The following GADL1 variants were observed in gnomAD, a reference collection of about 807,000 sequenced individuals.
GADL1 encodes the protein acidic amino acid decarboxylase GADL1.
GADL1 carries 71 observed loss-of-function variants against 69.5 expected under a neutral mutation model. The observed-to-expected ratio is 1.02, with a 90% CI of 0.84 to 1.25. GADL1 has a LOEUF of 1.25. Among genes scored for constraint, GADL1 ranks in the 50% most tolerant of loss-of-function variants. GADL1 has a pLI of 0.00. For synonymous variants in GADL1, 254 were observed against 214.4 expected (o/e 1.18, Z -1.62); for missense variants, 737 against 631.8 (o/e 1.17, Z -1.79).
At chr3:30,823,173 C>A (rs1697620693) in intron 11 of GADL1, among the ~76,000 whole-genome samples, 1 of 151,856 alleles carries the variant, frequency 6.6e-6, no homozygotes, top group Admixed American at 6.6e-5. Flanking sequence ...AAAGGGAACT[C>A]AGGGAGGTAA....
intron 8 of GADL1, among the ~76,000 whole-genome samples, chr3:30,843,334 C>A (rs1053222951): frequency 6.7e-6 from 1 of 149,860 alleles, no homozygotes; most frequent in African/African-American, 2.5e-5. Flanking sequence ...CAGCTCACTG[C>A]AACTTCTGCC....
In GADL1 at chr3:30,801,105, A is replaced by AT. The variant is rs59931065; in HGVS notation, c.1051-18dup. 0.49 allele frequency: 781,255 copies of AT among 1,586,984 alleles called. 202,620 individuals carry two copies. The highest frequency in any genetic ancestry group is 0.54 in the Middle Eastern group (3,121 of 5,730). On this transcript the variant is annotated splice_polypyrimidine_tract_variant and intron_variant, in intron 11 of 14. Transcript: ENST00000282538. Reference sequence around the variant, plus strand: ...AAGAAGATCCTTCGAAAAAGAAAAGATTACAAGACTGTTAAACTTTAGAAT... The same window carrying AT: ...AAGAAGATCCTTCGAAAAAGAAAAGATTTACAAGACTGTTAAACTTTAGAAT...
In GADL1 at chr3:30,861,768, G is replaced by A; in HGVS notation, c.38-3C>T. 1 of 1,536,692 alleles carries A rather than the reference G, an allele frequency of 6.5e-7. No individual in the cohort carries two copies. The highest frequency in any genetic ancestry group is 8.8e-7 in the Non-Finnish European group (1 of 1,138,558). On this transcript the variant is annotated splice_region_variant and splice_polypyrimidine_tract_variant and intron_variant, in intron 1 of 14. Transcript: ENST00000282538. ...CATCTCTTGTTGATCAATATCTCCTGGAAGCAAGCAAACAAATTGTGTTTG... is the reference window on the plus strand; with the variant it reads ...CATCTCTTGTTGATCAATATCTCCTAGAAGCAAGCAAACAAATTGTGTTTG...
At chr3:30,849,781 A>T (rs898456189) in intron 6 of GADL1, among the ~76,000 whole-genome samples, 1 of 152,162 alleles carries the variant, frequency 6.6e-6, no homozygotes, top group African/African-American at 2.4e-5. Flanking sequence ...GTTGTTACAG[A>T]CTATAAATTT....
Position 30,844,386 on chromosome 3 carries a change from C to A in GADL1, c.731+1G>T. Reference sequence around the variant, plus strand: ...AGGCTTCCAGATCCTGTTCCCATTACCTTCCATCTGTTTCCACAAAGCAAA... The same window carrying A: ...AGGCTTCCAGATCCTGTTCCCATTAACTTCCATCTGTTTCCACAAAGCAAA... On this transcript the variant is annotated splice_donor_variant, in intron 7 of 14. Coordinates refer to ENST00000282538, the MANE Select transcript of GADL1 (RefSeq NM_207359.3). LOFTEE classifies it high-confidence loss of function. 1 of 1,610,966 alleles carries A rather than the reference C, an allele frequency of 6.2e-7. No homozygotes were observed. The highest frequency in any genetic ancestry group is 8.5e-7 in the Non-Finnish European group (1 of 1,177,090).
intron 11 of GADL1, among the ~76,000 whole-genome samples, chr3:30,831,462 A>G (rs1442468134): frequency 6.6e-6 from 1 of 151,946 alleles, no homozygotes; most frequent in Non-Finnish European, 1.5e-5. Flanking sequence ...AGATTACCCA[A>G]TGGAGATGGT....
intron 14 of GADL1, among the ~76,000 whole-genome samples, chr3:30,744,427 C>T (rs1196184135): frequency 6.6e-6 from 1 of 151,962 alleles, no homozygotes; most frequent in Admixed American, 6.6e-5. Context: ...TGTGAAGAGC[C>T]AGATAGTAGC....
chr3:30,795,254 C>T (rs1204421268), intron 12 of GADL1, among the ~76,000 whole-genome samples: 5 of 152,122 alleles, frequency 3.3e-5, no homozygotes, highest in African/African-American at 7.2e-5. Context: ...TGGGAAATAT[C>T]TTGACCCTGT....
intron 14 of GADL1, among the ~76,000 whole-genome samples, chr3:30,749,523 G>C (rs1322846832): frequency 1.3e-5 from 2 of 152,182 alleles, no homozygotes; most frequent in African/African-American, 4.8e-5. Flanking sequence ...TGAATCTTAG[G>C]ACATTTCTTC....
intron 14 of GADL1, among the ~76,000 whole-genome samples, chr3:30,769,151 TC>T (rs1696357102): frequency 6.6e-6 from 1 of 152,136 alleles, no homozygotes; most frequent in Non-Finnish European, 1.5e-5. Context: ...CAAGCCACCA[TC>T]CTAGGCAAGG....
intron 6 of GADL1, 21 bp downstream of exon 6, chr3:30,849,974 CA>C: frequency 7.4e-7 from 1 of 1,356,530 alleles, no homozygotes. Flanking sequence ...AATCTATATT[CA>C]ATACCAAAAA....
chr3:30,872,825 A>G (rs1183654887), intron 1 of GADL1, among the ~76,000 whole-genome samples: 1 of 151,922 alleles, frequency 6.6e-6, no homozygotes, highest in Non-Finnish European at 1.5e-5. Flanking sequence ...AGCCATATGA[A>G]TACTCTGAGT....
chr3:30,846,381 AAG>A (rs1410152503), intron 6 of GADL1, among the ~76,000 whole-genome samples: 1 of 152,176 alleles, frequency 6.6e-6, no homozygotes, highest in East Asian at 1.9e-4. Flanking sequence ...GCCTACATGA[AAG>A]AGAGCATTGA....
chr3:30,842,963 T>TG (rs1039829814), intron 8 of GADL1, among the ~76,000 whole-genome samples: 43 of 147,908 alleles, frequency 2.9e-4, no homozygotes, highest in African/African-American at 1.0e-3. Flanking sequence ...TATGAAAACT[T>TG]GAAAAAAAAA....
intron 14 of GADL1, among the ~76,000 whole-genome samples, chr3:30,762,238 A>G (rs967985582): frequency 6.6e-6 from 1 of 152,196 alleles, no homozygotes; most frequent in African/African-American, 2.4e-5. Flanking sequence ...GGAGTAAGTG[A>G]ATTATGTTGA....
intron 1 of GADL1, among the ~76,000 whole-genome samples, chr3:30,869,121 G>A (rs898279840): frequency 3.3e-5 from 5 of 151,706 alleles, no homozygotes; most frequent in African/African-American, 9.7e-5. Context: ...TCTAGAAAGC[G>A]AATATTTAAG....
intron 1 of GADL1, among the ~76,000 whole-genome samples, chr3:30,872,385 C>T (rs1020140683): frequency 1.3e-5 from 2 of 151,932 alleles, no homozygotes; most frequent in Non-Finnish European, 2.9e-5. Flanking sequence ...TTGGCATTTT[C>T]CTCCTCTGAC....
intron 5 of GADL1, 140 bp from the exon 6 acceptor site, chr3:30,850,251 C>T: frequency 1.6e-6 from 1 of 640,014 alleles, no homozygotes; most frequent in East Asian, 2.8e-5. Flanking sequence ...GAACACCGAC[C>T]TCCCTGCTCC....
chr3:30,801,690 A>G (rs539485530), intron 11 of GADL1, among the ~76,000 whole-genome samples: 9 of 152,244 alleles, frequency 5.9e-5, no homozygotes, highest in African/African-American at 2.2e-4. Flanking sequence ...ACCAAATTCC[A>G]TTTGCATTTA....
Sources: allele counts gnomAD v4.1 joint callset (sites outside exome capture counted in the v4.1 genomes callset), GRCh38; gene constraint gnomAD v4.1.1; transcripts MANE v1.5; gene names NCBI Gene and HGNC (gene_info 2026-07-23, HGNC 2026-07-21).